The following IQCE variants were observed in gnomAD, a reference collection of about 807,000 sequenced individuals.
IQCE encodes the protein IQ domain-containing protein E.
A neutral mutation model predicts 96.0 loss-of-function variants in IQCE; 115 were observed. The ratio of observed to expected loss-of-function variants is 1.20; its 90% CI spans 1.03 to 1.40. The LOEUF is 1.40. Among genes scored for constraint, IQCE ranks in the 40% most tolerant of loss-of-function variants. IQCE has a pLI of 0.00. For synonymous variants in IQCE, 412 were observed against 371.2 expected (o/e 1.11, Z -1.26); for missense variants, 1,041 against 909.1 (o/e 1.15, Z -1.87).
At position 2,584,431 on chromosome 7, in the gene IQCE, G is replaced by A. The variant is rs555556876; in HGVS notation, c.824+146G>A. 5.0e-6 allele frequency: 4 copies of A among 793,270 alleles called. No individual in the cohort carries two copies. In the African/African-American group the frequency reaches 5.1e-5, roughly 10 times the overall value. 49.1% of individuals were successfully genotyped at this position (793,270 alleles called of 1,614,324 possible). A position where few individuals can be genotyped will look rare whatever the true frequency, so the allele number is the denominator to read the frequency against. On this transcript the variant is annotated intron_variant, in intron 11 of 21. Transcript: ENST00000402050. ...CAACACTGCACCTGTTCTGTTCAGG[G>A]TTAGAGTTGACACGTTTCCATTTGC...
intron 3 of IQCE, 165 bp from the exon 4 acceptor site, chr7:2,571,361 T>C (rs541479143): frequency 7.6e-6 from 6 of 790,582 alleles, no homozygotes; most frequent in Non-Finnish European, 1.2e-5. Flanking sequence ...AGGAGAAATG[T>C]CAGTATATAG....
chr7:2,569,021 T>C (rs376875364), intron 3 of IQCE, 22 bp downstream of exon 3: 2 of 1,611,548 alleles, frequency 1.2e-6, no homozygotes, highest in Non-Finnish European at 1.7e-6. Context: ...GAGGCCTGCC[T>C]TCCCTCTCAC....
In IQCE at chr7:2,566,455, GTT is replaced by G. The variant is rs57757976; in HGVS notation, c.37-642_37-641del. Reference sequence around the variant, plus strand: ...TATGTTTTGGTTTTTGTTGGTTTTCGTTTTTTTTTTTTTTTTTTTTCCCAGCT... The same window carrying G: ...TATGTTTTGGTTTTTGTTGGTTTTCGTTTTTTTTTTTTTTTTTTCCCAGCT... On this transcript the variant is annotated intron_variant, in intron 1 of 21. Transcript: ENST00000402050. 937 of 109,902 alleles carry G rather than the reference GTT, an allele frequency of 8.5e-3. 18 individuals are homozygous for G. The highest frequency in any genetic ancestry group is 0.031 in the African/African-American group (884 of 28,442). 6.8% of individuals were successfully genotyped at this position (109,902 alleles called of 1,614,324 possible).
chr7:2,583,591 T>C, intron 9 of IQCE, 46 bp from the exon 10 acceptor site: 3 of 1,453,960 alleles, frequency 2.1e-6, no homozygotes, highest in Non-Finnish European at 2.9e-6. Flanking sequence ...CTCTGTCCCC[T>C]GGGAACGCTG....
intron 9 of IQCE, among the ~76,000 whole-genome samples, chr7:2,582,851 T>C (rs1186108976): frequency 1.3e-5 from 2 of 152,228 alleles, no homozygotes; most frequent in Admixed American, 6.5e-5. Flanking sequence ...TCCTGTTATA[T>C]TTAAAAGATG....
rs373369996 is a variant in IQCE, at chr7:2,572,250, C to T, written c.318C>T (p.Val106=). The T allele has an allele frequency of 1.9e-6, 3 of 1,613,936 alleles. No homozygotes were observed. The highest frequency in any genetic ancestry group is 2.7e-5 in the African/African-American group (2 of 74,946). Residue 106 remains valine, a synonymous_variant, in exon 5 of 22, where the codon GTC becomes GTT. Coordinates refer to ENST00000402050, the MANE Select transcript of IQCE (RefSeq NM_152558.5). ...PLTWEHAWTG[V]PGGTPDCLTD... is the part of the protein sequence containing the mutation. ...CCTGGGAGCATGCGTGGACTGGCGTCCCCGGCGGCACTCCTGACTGTCTGA... is the reference window on the plus strand; with the variant it reads ...CCTGGGAGCATGCGTGGACTGGCGTTCCCGGCGGCACTCCTGACTGTCTGA...
intron 17 of IQCE, among the ~76,000 whole-genome samples, chr7:2,601,118 A>G (rs940846451): frequency 3.9e-5 from 6 of 152,192 alleles, no homozygotes; most frequent in Admixed American, 1.3e-4. Flanking sequence ...ATCCACCTCC[A>G]TAGGTGCACA....
chr7:2,578,337 G>C lies in IQCE; in HGVS notation c.561G>C (p.Gln187His). 1.2e-6 allele frequency: 2 copies of C among 1,614,120 alleles called. No homozygotes were observed. The highest frequency in any genetic ancestry group is 4.5e-5 in the East Asian group (2 of 44,886). ...GCAGGAAGGACCGGCAGATAGAGCA[G>C]CTCCTGGATCCCAGCCGCGTAAGCT... ...ENSRKDRQIE[Q>H]LLDPSRGTDF... Residue 187 changes from glutamine to histidine, a missense_variant, in exon 7 of 22, where the codon CAG becomes CAC. Coordinates refer to ENST00000402050, the MANE Select transcript of IQCE (RefSeq NM_152558.5).
At chr7:2,563,763 A>G (rs899145993) in intron 1 of IQCE, among the ~76,000 whole-genome samples, 12 of 151,724 alleles carry the variant, frequency 7.9e-5, no homozygotes, top group South Asian at 2.1e-4. Context: ...GCGTGGTGGC[A>G]GGCGCCTGTA....
intron 16 of IQCE, among the ~76,000 whole-genome samples, chr7:2,596,648 CG>C (rs1784063353): frequency 6.6e-6 from 1 of 152,044 alleles, no homozygotes; most frequent in African/African-American, 2.4e-5. Flanking sequence ...AATTTATAAG[CG>C]TGTGAAAATT....
chr7:2,572,467 C>G, intron 5 of IQCE, 141 bp downstream of exon 5: 1 of 930,294 alleles, frequency 1.1e-6, no homozygotes. Flanking sequence ...TTTGGGAGGT[C>G]GTGGGAGCAG....
intron 16 of IQCE, among the ~76,000 whole-genome samples, chr7:2,596,434 T>A (rs569076907): frequency 2.0e-4 from 31 of 151,544 alleles, no homozygotes; most frequent in Non-Finnish European, 4.4e-4. Context: ...CTTTTAGTAT[T>A]GTCTGAATTT....
rs1379298611 is a variant in IQCE, at chr7:2,610,543, C to CA, written c.*382dup. 1 of 199,678 alleles carries CA rather than the reference C, an allele frequency of 5.0e-6. No homozygotes were observed. Among genetic ancestry groups the CA allele is most frequent in the East Asian group, 1.5e-4 (1 of 6,460 alleles). The allele number at this position is 199,678 out of a possible 1,614,324, so 12.4% of individuals were successfully genotyped here. ...TGCTATCCGCAACCAGCGCCGACAC[C>CA]ATGCCCCCTCTTCCTGGTGACACCC... On this transcript the variant is annotated 3_prime_UTR_variant, in exon 22 of 22. Transcript: ENST00000402050.
At position 2,572,444 on chromosome 7, in the gene IQCE, G is replaced by A. The variant is rs778230319; in HGVS notation, c.394+118G>A. 5.1e-5 allele frequency: 58 copies of A among 1,143,088 alleles called. No individual in the cohort carries two copies. In the Middle Eastern group the frequency reaches 7.8e-4, roughly 15 times the overall value. 70.8% of individuals were successfully genotyped at this position (1,143,088 alleles called of 1,614,324 possible). A position where few individuals can be genotyped will look rare whatever the true frequency, so the allele number is the denominator to read the frequency against. ...ATTTCTGGCTTCGTGCATGAGCTCC[G>A]TCACTGGGAGGTTTTGGGAGGTCGT... On this transcript the variant is annotated intron_variant, in intron 5 of 21. Coordinates refer to ENST00000402050, the MANE Select transcript of IQCE (RefSeq NM_152558.5).
intron 1 of IQCE, among the ~76,000 whole-genome samples, chr7:2,563,375 T>TTGTGTGTGTGTGTG (rs143397539): frequency 8.8e-5 from 12 of 135,680 alleles, no homozygotes; most frequent in African/African-American, 2.3e-4. Flanking sequence ...TAATTTTTTG[T>TTGTGTGTGTGTGTG]TGTGTGTGTG....
intron 19 of IQCE, among the ~76,000 whole-genome samples, chr7:2,605,577 G>A (rs997444204): frequency 2.6e-5 from 4 of 152,010 alleles, no homozygotes; most frequent in African/African-American, 7.3e-5. Context: ...TCGAGATCAC[G>A]CCACTGCACT....
chr7:2,566,005 T>C (rs888536104), intron 1 of IQCE, among the ~76,000 whole-genome samples: 3 of 152,210 alleles, frequency 2.0e-5, no homozygotes, highest in Non-Finnish European at 2.9e-5. Context: ...CATGTACTAT[T>C]AGCCTTGTAG....
chr7:2,578,760 C>T (rs6963678), intron 8 of IQCE, among the ~76,000 whole-genome samples: 2,640 of 152,278 alleles, frequency 0.017, 84 homozygotes, highest in African/African-American at 0.06. Flanking sequence ...TCACAACGGG[C>T]GACTTCCCCC....
In IQCE at chr7:2,563,411, G is replaced by GTGTGTGTGTGTGTA. The variant is rs773616723; in HGVS notation, c.37-3704_37-3703insGTGTGTGTGTGTAT. Among the ~76,000 whole-genome samples the GTGTGTGTGTGTGTA allele has an allele frequency of 2.0e-3, 296 of 148,706 alleles. 1 individual carries two copies. The highest frequency in any genetic ancestry group is 6.8e-3 in the African/African-American group (275 of 40,414). ...TGTGTGTGTGTGTGTGTGTGTGTGT[G>GTGTGTGTGTGTGTA]TACAGGGTTTCTCCATATTGCCCAG... On this transcript the variant is annotated intron_variant, in intron 1 of 21. Transcript: ENST00000402050.
Sources: gnomAD v4.1 joint callset for allele counts (sites outside exome capture counted in the v4.1 genomes callset) on GRCh38, gnomAD v4.1.1 for gene constraint, MANE v1.5 for transcripts, NCBI Gene and HGNC (gene_info 2026-07-23, HGNC 2026-07-21) for gene names.